Variants in ARL13B observed in about 807,000 individuals in gnomAD.
ARL13B encodes the protein ARF like GTPase 13B.
ARL13B carries 36 observed loss-of-function variants against 56.1 expected under a neutral mutation model. The ratio of observed to expected loss-of-function variants is 0.64; its 90% CI spans 0.49 to 0.85. The LOEUF is 0.85. Ranked by LOEUF, ARL13B falls within the 40% of genes least tolerant of loss-of-function variation. The pLI is 0.00. For missense variants in ARL13B, 519 were observed against 507.1 expected (o/e 1.02, Z -0.23); for synonymous variants, 178 against 171.1 (o/e 1.04, Z -0.32).
At chr3:94,038,039 T>C (rs2076799526) in intron 5 of ARL13B, among the ~76,000 whole-genome samples, 1 of 152,210 alleles carries the variant, frequency 6.6e-6, no homozygotes, top group Non-Finnish European at 1.5e-5. Context: ...ACAAGCTTTT[T>C]ACTTCACTAA....
At chr3:94,029,334 A>ATTTT (rs71105171) in intron 3 of ARL13B, among the ~76,000 whole-genome samples, 28 of 53,398 alleles carry the variant, frequency 5.2e-4, no homozygotes, top group African/African-American at 1.6e-3. Context: ...ATATATATAT[A>ATTTT]TTTATTTTTT....
At chr3:93,988,786 A>ATTTT in intron 1 of ARL13B, 3 of 341,622 alleles carry the variant, frequency 8.8e-6, no homozygotes, top group Non-Finnish European at 1.7e-5. Context: ...ATTTGTTTGC[A>ATTTT]TTTTTTTTTT....
At chr3:93,999,565 A>G (rs1037080484) in intron 2 of ARL13B, among the ~76,000 whole-genome samples, 6 of 152,134 alleles carry the variant, frequency 3.9e-5, no homozygotes, top group African/African-American at 1.4e-4. Context: ...CTGAACATCT[A>G]TTCTTTGCGT....
In ARL13B at chr3:94,019,578, C is replaced by A. The variant is rs953561372; in HGVS notation, c.380+15670C>A. ...TTTCCTTTTTGCACCAACTACCCCC[C>A]ATCCTGCCCCCACCACAAAACCTCT... On this transcript the variant is annotated intron_variant, in intron 3 of 9. Transcript: ENST00000394222. 2.6e-5 allele frequency among the ~76,000 whole-genome samples: 4 copies of A among 151,576 alleles called. No individual in the cohort carries two copies. The South Asian group carries it at 6.3e-4, about 24-fold the overall frequency.
At chr3:93,989,410 G>A (rs577970734) in intron 1 of ARL13B, among the ~76,000 whole-genome samples, 5 of 152,204 alleles carry the variant, frequency 3.3e-5, no homozygotes, top group South Asian at 2.1e-4. Flanking sequence ...AAAAGTAGCC[G>A]GGGATGGTTG....
chr3:93,996,056 A>C lies in ARL13B; in HGVS notation c.130+112A>C, dbSNP rs925711991. 4 of 1,022,108 alleles carry C rather than the reference A, an allele frequency of 3.9e-6. No individual in the cohort carries two copies. The African/African-American group carries it at 6.4e-5, about 16-fold the overall frequency. The allele number at this position is 1,022,108 out of a possible 1,614,324, so 63.3% of individuals were successfully genotyped here. On this transcript the variant is annotated intron_variant, in intron 2 of 9. Coordinates refer to ENST00000394222, the MANE Select transcript of ARL13B (RefSeq NM_001174150.2). ...ATTTGGTACAGATACTGTGCACTGC[A>C]TTACTTTATATTCTTAGTATATTTG...
intron 5 of ARL13B, among the ~76,000 whole-genome samples, chr3:94,039,546 G>A (rs2076827376): frequency 6.7e-6 from 1 of 149,658 alleles, no homozygotes. Flanking sequence ...GTTAACACCA[G>A]TAAAGAGGAC....
chr3:94,038,671 G>C (rs1417981797), intron 5 of ARL13B, among the ~76,000 whole-genome samples: 2 of 151,740 alleles, frequency 1.3e-5, no homozygotes, highest in African/African-American at 4.8e-5. Flanking sequence ...TAACAGGCAT[G>C]CACCACCACA....
intron 1 of ARL13B, among the ~76,000 whole-genome samples, chr3:93,983,370 G>A (rs1482951638): frequency 6.6e-6 from 1 of 152,136 alleles, no homozygotes; most frequent in Non-Finnish European, 1.5e-5. Context: ...TTGGGGTTTG[G>A]TATGGCCCCA....
chr3:94,019,569 A>G (rs1028173347), intron 3 of ARL13B, among the ~76,000 whole-genome samples: 3 of 151,670 alleles, frequency 2.0e-5, no homozygotes, highest in African/African-American at 7.3e-5. Context: ...TTTTGCACCA[A>G]CTACCCCCCA....
chr3:93,985,041 C>G (rs1445634686), intron 1 of ARL13B, among the ~76,000 whole-genome samples: 1 of 143,512 alleles, frequency 7.0e-6, no homozygotes, highest in Non-Finnish European at 1.6e-5. Flanking sequence ...ATCAATAAGA[C>G]TAAATAAAAA....
At chr3:93,982,672 A>G (rs1464366189) in intron 1 of ARL13B, among the ~76,000 whole-genome samples, 1 of 152,230 alleles carries the variant, frequency 6.6e-6, no homozygotes, top group Non-Finnish European at 1.5e-5. Flanking sequence ...AGCCTAATAT[A>G]AAGGACATAG....
chr3:94,008,948 T>C (rs1394311065), intron 3 of ARL13B, among the ~76,000 whole-genome samples: 1 of 152,160 alleles, frequency 6.6e-6, no homozygotes, highest in African/African-American at 2.4e-5. Context: ...ATAGTTTCAC[T>C]TGGGGAAGAC....
In ARL13B at chr3:94,053,895, T is replaced by C. The variant is rs1450413382; in HGVS notation, c.*632T>C. 1.6e-5 allele frequency: 5 copies of C among 318,204 alleles called. No homozygotes were observed. The highest frequency in any genetic ancestry group is 1.3e-4 in the Admixed American group (3 of 22,786). 19.7% of individuals were successfully genotyped at this position (318,204 alleles called of 1,614,324 possible). A position where few individuals can be genotyped will look rare whatever the true frequency, so the allele number is the denominator to read the frequency against. ...TTGTAATAGCGTTGTTCTTTAAGTGTACATCGTAATTTGACCTAATTTAAA... is the reference window on the plus strand; with the variant it reads ...TTGTAATAGCGTTGTTCTTTAAGTGCACATCGTAATTTGACCTAATTTAAA... On this transcript the variant is annotated 3_prime_UTR_variant, in exon 10 of 10. Coordinates refer to ENST00000394222, the MANE Select transcript of ARL13B (RefSeq NM_001174150.2).
intron 3 of ARL13B, chr3:94,014,550 T>C: frequency 6.2e-7 from 1 of 1,612,654 alleles, no homozygotes; most frequent in South Asian, 1.1e-5. Flanking sequence ...CTTGTTCCTC[T>C]ACTAAAAGAG....
chr3:94,045,110 C>A (rs1576049397), intron 7 of ARL13B, among the ~76,000 whole-genome samples: 1 of 152,166 alleles, frequency 6.6e-6, no homozygotes, highest in South Asian at 2.1e-4. Flanking sequence ...AAGAAAAATT[C>A]TTCTGCCTTG....
intron 1 of ARL13B, among the ~76,000 whole-genome samples, chr3:93,986,419 CA>C (rs1244031379): frequency 2.9e-4 from 44 of 152,100 alleles, no homozygotes; most frequent in Non-Finnish European, 4.4e-4. Context: ...TTTTTCGATA[CA>C]TTTTTTTCTT....
At chr3:94,005,798 A>G (rs1402105496) in intron 3 of ARL13B, among the ~76,000 whole-genome samples, 2 of 152,232 alleles carry the variant, frequency 1.3e-5, no homozygotes, top group African/African-American at 4.8e-5. Context: ...AAATGTACAC[A>G]AAAGTACACA....
intron 3 of ARL13B, among the ~76,000 whole-genome samples, chr3:94,021,781 G>A (rs1002681835): frequency 1.3e-5 from 2 of 152,062 alleles, no homozygotes; most frequent in African/African-American, 4.8e-5. Context: ...GCTCTTTCTA[G>A]TATTACTATA....
Sources: allele counts gnomAD v4.1 joint callset (sites outside exome capture counted in the v4.1 genomes callset), GRCh38; gene constraint gnomAD v4.1.1; transcripts MANE v1.5; gene names NCBI Gene and HGNC (gene_info 2026-07-23, HGNC 2026-07-21).